The following DNAJC3 variants were observed in gnomAD, a reference collection of about 807,000 sequenced individuals.
DNAJC3 encodes the protein dnaJ homolog subfamily C member 3.
In DNAJC3, 38 loss-of-function variants were observed where a neutral mutation model predicts 68.6. The observed-to-expected ratio is 0.55, with a 90% CI of 0.43 to 0.73. The LOEUF (loss-of-function observed/expected upper bound fraction) is 0.73, where lower values mean the gene tolerates loss of function less well. Among genes scored for constraint, DNAJC3 ranks in the 30% least tolerant of loss-of-function variants. DNAJC3 has a pLI of 0.00. For missense variants in DNAJC3, 526 were observed against 591.9 expected, an observed-to-expected ratio of 0.89 and a Z score of 1.16; for synonymous variants, 203 against 204.0, an observed-to-expected ratio of 1.00 and a Z score of 0.04.
At chr13:95,786,161 TCTTTA>T (rs1484460962) in intron 10 of DNAJC3, 90 bp downstream of exon 10, 8 of 1,312,752 alleles carry the variant, frequency 6.1e-6, no homozygotes, top group South Asian at 1.6e-5. Context: ...TGATTCATTT[TCTTTA>T]CTTATGTAAT....
At chr13:95,773,239 A>G (rs1406774956) in intron 9 of DNAJC3, among the ~76,000 whole-genome samples, 1 of 143,670 alleles carries the variant, frequency 7.0e-6, no homozygotes, top group African/African-American at 2.6e-5. Flanking sequence ...TGGCACAATT[A>G]TGACTCACTG....
intron 9 of DNAJC3, among the ~76,000 whole-genome samples, chr13:95,777,669 C>G (rs181275392): frequency 1.3e-5 from 2 of 152,142 alleles, no homozygotes; most frequent in African/African-American, 4.8e-5. Flanking sequence ...TTCCCAAACA[C>G]ATAAAGCAAA....
intron 4 of DNAJC3, among the ~76,000 whole-genome samples, chr13:95,729,740 A>G (rs951166834): frequency 1.3e-5 from 2 of 152,048 alleles, no homozygotes; most frequent in Non-Finnish European, 1.5e-5. Context: ...TTTGATTTGC[A>G]TTTCCCTGAT....
intron 1 of DNAJC3, among the ~76,000 whole-genome samples, chr13:95,686,282 G>T (rs1285507159): frequency 6.6e-6 from 1 of 152,162 alleles, no homozygotes; most frequent in Admixed American, 6.5e-5. Flanking sequence ...TTTTAATGGG[G>T]TTCTTTGTTT....
chr13:95,705,409 A>G (rs147690761), intron 1 of DNAJC3, among the ~76,000 whole-genome samples: 2 of 152,234 alleles, frequency 1.3e-5, no homozygotes, highest in East Asian at 1.9e-4. Context: ...ACTTATCTCA[A>G]TATTGACTTC....
intron 4 of DNAJC3, among the ~76,000 whole-genome samples, chr13:95,750,725 G>A (rs1278778916): frequency 6.6e-6 from 1 of 151,868 alleles, no homozygotes; most frequent in African/African-American, 2.4e-5. Context: ...TGGCCAGGCT[G>A]GTCTCAAACT....
intron 2 of DNAJC3, among the ~76,000 whole-genome samples, chr13:95,712,625 G>A (rs1168578256): frequency 2.6e-5 from 4 of 151,904 alleles, no homozygotes; most frequent in Admixed American, 1.3e-4. Flanking sequence ...TCATCCACCC[G>A]CCTCCCAAAG....
chr13:95,761,189 A>G (rs1038580326), intron 7 of DNAJC3, among the ~76,000 whole-genome samples: 4 of 152,360 alleles, frequency 2.6e-5, no homozygotes, highest in African/African-American at 7.2e-5. Flanking sequence ...TAGAATGTAC[A>G]TAGGATAATT....
intron 2 of DNAJC3, among the ~76,000 whole-genome samples, chr13:95,722,500 CA>C (rs1409265448): frequency 1.3e-4 from 19 of 151,794 alleles, no homozygotes; most frequent in Non-Finnish European, 2.6e-4. Context: ...AGGCTGGGTG[CA>C]GTGGCTCATG....
chr13:95,702,840 C>T (rs115531596), intron 1 of DNAJC3, among the ~76,000 whole-genome samples: 135 of 152,348 alleles, frequency 8.9e-4, no homozygotes, highest in African/African-American at 3.1e-3. Context: ...TACCCATACC[C>T]TAATGGAGAA....
In DNAJC3 at chr13:95,709,260, A is replaced by C. The variant is rs1362772857; in HGVS notation, c.116A>C (p.Lys39Thr). The C allele has an allele frequency of 1.9e-6, 3 of 1,583,380 alleles. No individual in the cohort carries two copies. The highest frequency in any genetic ancestry group is 2.4e-5 in the South Asian group (2 of 84,138). The change falls in exon 2 of 12, where the codon AAA (lysine) becomes ACA (threonine). Residue 39 changes from lysine to threonine, a missense_variant. Coordinates refer to ENST00000602402, the MANE Select transcript of DNAJC3 (RefSeq NM_006260.5). ...TGTGGAGTAAATGCAGATGTTGAGA[A>C]ACATCTTGAATTGGGCAAGAAATTA... ...AECGVNADVE[K>T]HLELGKKLLA...
At chr13:95,726,825 T>C (rs1266285515) in intron 4 of DNAJC3, among the ~76,000 whole-genome samples, 2 of 152,224 alleles carry the variant, frequency 1.3e-5, no homozygotes, top group African/African-American at 2.4e-5. Context: ...TTAGTTACTA[T>C]GATGATAACC....
At chr13:95,688,965 T>TGCGC (rs1418067440) in intron 1 of DNAJC3, among the ~76,000 whole-genome samples, 40 of 131,012 alleles carry the variant, frequency 3.1e-4, no homozygotes, top group African/African-American at 9.6e-4. Flanking sequence ...TGTGTGTGTG[T>TGCGC]GCGCGCTGTT....
chr13:95,757,463 C>G (rs1168861315), intron 4 of DNAJC3, among the ~76,000 whole-genome samples, 181 bp from the exon 5 acceptor site: 2 of 152,082 alleles, frequency 1.3e-5, no homozygotes, highest in Non-Finnish European at 2.9e-5. Flanking sequence ...TGGACCATAT[C>G]GGTAGAAATC....
intron 1 of DNAJC3, among the ~76,000 whole-genome samples, chr13:95,690,059 A>G (rs1476616600): frequency 6.6e-6 from 1 of 151,374 alleles, no homozygotes; most frequent in African/African-American, 2.4e-5. Context: ...GTCACAGGAC[A>G]ATAGTGGAGG....
At chr13:95,721,035 C>T (rs1881305785) in intron 2 of DNAJC3, among the ~76,000 whole-genome samples, 1 of 152,138 alleles carries the variant, frequency 6.6e-6, no homozygotes, top group South Asian at 2.1e-4. Flanking sequence ...TGAAACTCTG[C>T]ATCCATTAAA....
intron 2 of DNAJC3, among the ~76,000 whole-genome samples, chr13:95,711,801 A>G (rs1031537388): frequency 3.3e-5 from 5 of 152,118 alleles, no homozygotes; most frequent in African/African-American, 1.2e-4. Flanking sequence ...ATATAGGAAA[A>G]CAGACAAAAA....
intron 1 of DNAJC3, among the ~76,000 whole-genome samples, chr13:95,686,611 C>T (rs912857522): frequency 3.3e-5 from 5 of 152,144 alleles, no homozygotes; most frequent in Non-Finnish European, 5.9e-5. Context: ...TTTCCCAGCA[C>T]CATTTATTGA....
intron 9 of DNAJC3, among the ~76,000 whole-genome samples, chr13:95,784,475 A>G (rs1883538467): frequency 6.6e-6 from 1 of 152,060 alleles, no homozygotes; most frequent in African/African-American, 2.4e-5. Context: ...GAGAAATTCT[A>G]CAATGTGTGA....
Sources: gnomAD v4.1 joint callset for allele counts (sites outside exome capture counted in the v4.1 genomes callset) on GRCh38, gnomAD v4.1.1 for gene constraint, MANE v1.5 for transcripts, NCBI Gene and HGNC (gene_info 2026-07-23, HGNC 2026-07-21) for gene names.